SH3BGRL2: variants seen among roughly 807,000 people sequenced by gnomAD.
SH3BGRL2 encodes SH3 domain-binding glutamic acid-rich-like protein 2.
A neutral mutation model predicts 14.8 loss-of-function variants in SH3BGRL2; 21 were observed. The ratio of observed to expected loss-of-function variants is 1.42; its 90% CI spans 1.01 to 2.05. The LOEUF (loss-of-function observed/expected upper bound fraction) is 2.05. Among genes scored for constraint, SH3BGRL2 ranks in the 30% most tolerant of loss-of-function variants. SH3BGRL2 has a pLI of 0.00. For missense variants in SH3BGRL2, 147 were observed against 130.8 expected (o/e 1.12, Z -0.61); for synonymous variants, 50 against 47.8 (o/e 1.05, Z -0.19).
intron 1 of SH3BGRL2, among the ~76,000 whole-genome samples, chr6:79,634,887 G>A (rs1768893767): frequency 6.6e-6 from 1 of 152,166 alleles, no homozygotes; most frequent in African/African-American, 2.4e-5. Flanking sequence ...TAGGCAGATG[G>A]CAGGGAGAGG....
chr6:79,538,797 T>C, the SH3BGRL2 span, among the ~76,000 whole-genome samples: 1 of 152,240 alleles, frequency 6.6e-6, no homozygotes, highest in East Asian at 1.9e-4. Flanking sequence ...CTCAGAATGC[T>C]CCAGGCAGTG....
At chr6:79,547,150 G>A in the SH3BGRL2 span, among the ~76,000 whole-genome samples, 131 of 152,200 alleles carry the variant, frequency 8.6e-4, 3 homozygotes, top group East Asian at 7.8e-3. Context: ...AAGGCTTAAA[G>A]ACATAGTATG....
rs911036129 is a variant in SH3BGRL2, at chr6:79,700,934, G to A, written c.*1425G>A. The A allele has an allele frequency of 6.6e-6, 1 of 152,054 alleles. No homozygotes were observed. The highest frequency in any genetic ancestry group is 2.4e-5 in the African/African-American group (1 of 41,378). 9.4% of individuals were successfully genotyped at this position (152,054 alleles called of 1,614,324 possible). On this transcript the variant is annotated 3_prime_UTR_variant, in exon 4 of 4. Transcript: ENST00000369838. ...TCTGGACTTTTCATTATAATTCTGA[G>A]CAGGAAATTTATAAGAAATTGAAAG...
chr6:79,643,068 T>C (rs1253069994), intron 1 of SH3BGRL2, among the ~76,000 whole-genome samples: 2 of 152,186 alleles, frequency 1.3e-5, no homozygotes, highest in Non-Finnish European at 2.9e-5. Context: ...ACAATTACTC[T>C]TTATCTGTGT....
chr6:79,636,504 G>T (rs910711258), intron 1 of SH3BGRL2, among the ~76,000 whole-genome samples: 6 of 152,084 alleles, frequency 3.9e-5, no homozygotes, highest in Non-Finnish European at 8.8e-5. Context: ...CCAAGGAGAG[G>T]ATGTGGTGGT....
chr6:79,590,422 GTGATATATATATATATATATAT>G, the SH3BGRL2 span, among the ~76,000 whole-genome samples: 1 of 46,486 alleles, frequency 2.2e-5, no homozygotes, highest in East Asian at 1.7e-3. Context: ...TAAAGAAAAT[GTGATATATATATATATATATAT>G]ATATATATAT....
intron 1 of SH3BGRL2, among the ~76,000 whole-genome samples, chr6:79,662,893 A>AT (rs1208971185): frequency 2.0e-5 from 3 of 151,892 alleles, no homozygotes; most frequent in Non-Finnish European, 4.4e-5. Flanking sequence ...TATTTTGTTA[A>AT]TTTTATCTTC....
At chr6:79,652,104 T>G (rs1315997117) in intron 1 of SH3BGRL2, among the ~76,000 whole-genome samples, 1 of 152,050 alleles carries the variant, frequency 6.6e-6, no homozygotes, top group Non-Finnish European at 1.5e-5. Context: ...CTTAGTTGAG[T>G]GCAGTGTGGA....
chr6:79,680,294 T>C (rs1019253937), intron 2 of SH3BGRL2, among the ~76,000 whole-genome samples: 1 of 152,192 alleles, frequency 6.6e-6, no homozygotes, highest in Non-Finnish European at 1.5e-5. Context: ...CTTCATTCTT[T>C]TGCATGTAGA....
At chr6:79,620,131 C>T in the SH3BGRL2 span, among the ~76,000 whole-genome samples, 1 of 151,944 alleles carries the variant, frequency 6.6e-6, no homozygotes, top group East Asian at 1.9e-4. Context: ...TTCCATTTAC[C>T]GTTCTCATAG....
At chr6:79,636,202 G>A (rs998584044) in intron 1 of SH3BGRL2, among the ~76,000 whole-genome samples, 1 of 152,200 alleles carries the variant, frequency 6.6e-6, no homozygotes, top group Admixed American at 6.5e-5. Context: ...TCATACTCAG[G>A]TGGGGGGACC....
At chr6:79,663,651 C>T (rs1447061506) in intron 1 of SH3BGRL2, among the ~76,000 whole-genome samples, 1 of 152,200 alleles carries the variant, frequency 6.6e-6, no homozygotes, top group Non-Finnish European at 1.5e-5. Flanking sequence ...GCAGTCTGTC[C>T]GTTCTCAGAG....
intron 1 of SH3BGRL2, among the ~76,000 whole-genome samples, chr6:79,633,008 C>G (rs982820831): frequency 9.9e-5 from 15 of 152,172 alleles, no homozygotes; most frequent in Non-Finnish European, 1.6e-4. Context: ...TACTTTGGAG[C>G]AAGTCGGACC....
At position 79,702,575 on chromosome 6, in the gene SH3BGRL2, G is replaced by A. The variant is rs567372852; in HGVS notation, c.*3066G>A. 83 of 152,330 alleles carry A rather than the reference G, an allele frequency of 5.4e-4. No homozygotes were observed. Among genetic ancestry groups the A allele is most frequent in the African/African-American group, 1.9e-3 (79 of 41,568 alleles). 9.4% of individuals were successfully genotyped at this position (152,330 alleles called of 1,614,324 possible). On this transcript the variant is annotated 3_prime_UTR_variant, in exon 4 of 4. Coordinates refer to ENST00000369838, the MANE Select transcript of SH3BGRL2 (RefSeq NM_031469.4). ...CCTCTCTTAATTTTAGTTCTGTTTAGTTGAGAGGCTGTGATTTTACTCTTG... is the reference window on the plus strand; with the variant it reads ...CCTCTCTTAATTTTAGTTCTGTTTAATTGAGAGGCTGTGATTTTACTCTTG...
the SH3BGRL2 span, among the ~76,000 whole-genome samples, chr6:79,576,572 A>G: frequency 1.3e-5 from 2 of 152,148 alleles, no homozygotes; most frequent in Non-Finnish European, 2.9e-5. Flanking sequence ...TAAAGATCTT[A>G]TATTTATCTG....
the SH3BGRL2 span, chr6:79,575,492 G>A: frequency 6.6e-6 from 1 of 151,972 alleles, no homozygotes; most frequent in Non-Finnish European, 1.5e-5. Context: ...GTCATATAAT[G>A]ATGCTATTTA....
At chr6:79,629,402 G>C (rs1393396956), upstream of SH3BGRL2, among the ~76,000 whole-genome samples, 1 of 151,956 alleles carries the variant, frequency 6.6e-6, no homozygotes, top group African/African-American at 2.4e-5. Context: ...ATAAGCTGTG[G>C]TCAGAGGGTT....
At chr6:79,624,871 T>C in the SH3BGRL2 span, among the ~76,000 whole-genome samples, 4 of 152,068 alleles carry the variant, frequency 2.6e-5, no homozygotes, top group African/African-American at 9.7e-5. Flanking sequence ...GAATGTGAAC[T>C]GATTCAAGAA....
intron 1 of SH3BGRL2, among the ~76,000 whole-genome samples, chr6:79,643,745 T>C (rs932558751): frequency 6.6e-6 from 1 of 152,114 alleles, no homozygotes; most frequent in African/African-American, 2.4e-5. Flanking sequence ...CCCAAAAGGT[T>C]GAGATAGCCA....
Sources: gnomAD v4.1 joint callset for allele counts (sites outside exome capture counted in the v4.1 genomes callset) on GRCh38, gnomAD v4.1.1 for gene constraint, MANE v1.5 for transcripts, NCBI Gene and HGNC (gene_info 2026-07-23, HGNC 2026-07-21) for gene names.